The following PTPRG variants were observed in gnomAD, a reference collection of about 807,000 sequenced individuals.
PTPRG encodes receptor-type tyrosine-protein phosphatase gamma.
PTPRG carries 102 observed loss-of-function variants against 165.3 expected under a neutral mutation model. That is an observed-to-expected ratio of 0.62 (90% CI 0.53 to 0.73). The LOEUF is 0.73. PTPRG is among the 30% of genes least tolerant of loss of function. The probability of loss-of-function intolerance (pLI) is 0.00; values close to 1 mark genes in which losing one functional copy is unlikely to be tolerated. For synonymous variants in PTPRG, 675 were observed against 669.5 expected (o/e 1.01, Z -0.13); for missense variants, 1,866 against 1,861.4 (o/e 1.00, Z -0.05).
At chr3:62,154,097 A>G (rs1167627227) in intron 6 of PTPRG, among the ~76,000 whole-genome samples, 1 of 152,192 alleles carries the variant, frequency 6.6e-6, no homozygotes, top group Non-Finnish European at 1.5e-5. Context: ...ATGGTTTTCA[A>G]AATGTCCCTG....
chr3:62,247,731 G>T (rs958854059), intron 15 of PTPRG, among the ~76,000 whole-genome samples: 1 of 152,062 alleles, frequency 6.6e-6, no homozygotes, highest in Non-Finnish European at 1.5e-5. Flanking sequence ...CAGCAACTTT[G>T]GATGATTCTG....
At chr3:62,225,843 C>T (rs971876329) in intron 13 of PTPRG, among the ~76,000 whole-genome samples, 12 of 151,772 alleles carry the variant, frequency 7.9e-5, no homozygotes, top group South Asian at 2.1e-4. Flanking sequence ...TTGGTAGAGA[C>T]GGATTTTGCC....
At chr3:61,679,822 A>G (rs989325614) in intron 1 of PTPRG, among the ~76,000 whole-genome samples, 21 of 152,104 alleles carry the variant, frequency 1.4e-4, no homozygotes, top group Admixed American at 1.2e-3. Context: ...CCCACAATCC[A>G]GTGAGTAAGA....
At chr3:61,830,116 A>G (rs1411401122) in intron 2 of PTPRG, among the ~76,000 whole-genome samples, 1 of 152,222 alleles carries the variant, frequency 6.6e-6, no homozygotes, top group African/African-American at 2.4e-5. Context: ...CAAGCTGGTC[A>G]AATTTATTCA....
intron 2 of PTPRG, among the ~76,000 whole-genome samples, chr3:61,848,009 T>C (rs767363282): frequency 6.6e-6 from 1 of 152,232 alleles, no homozygotes; most frequent in Non-Finnish European, 1.5e-5. Context: ...CCTTGTCCCC[T>C]GCCATGAGCT....
At chr3:61,790,027 A>G (rs1415146966) in intron 2 of PTPRG, among the ~76,000 whole-genome samples, 1 of 152,150 alleles carries the variant, frequency 6.6e-6, no homozygotes, top group African/African-American at 2.4e-5. Context: ...CGTGGGATTC[A>G]GCTGATGTGC....
rs532356516 is a variant in PTPRG, at chr3:61,866,582, C to CTTTTTTTTTTTTTTTTTTT, written c.190+117618_190+117636dup. Among the ~76,000 whole-genome samples, 7 of 69,110 alleles carry CTTTTTTTTTTTTTTTTTTT rather than the reference C, an allele frequency of 1.0e-4. 2 individuals are homozygous for CTTTTTTTTTTTTTTTTTTT. Among genetic ancestry groups the CTTTTTTTTTTTTTTTTTTT allele is most frequent in the African/African-American group, 1.7e-4 (4 of 23,464 alleles). The allele number at this position is 69,110 out of a possible 152,430, so 45.3% of individuals were successfully genotyped here. On this transcript the variant is annotated intron_variant, in intron 2 of 29. Coordinates refer to ENST00000474889, the MANE Select transcript of PTPRG (RefSeq NM_002841.4). ...TTCCCTGGCTTTGGAACTGTTTGCT[C>CTTTTTTTTTTTTTTTTTTT]TTTTTTTTTTTTTTTTTTTTTTTTT...
intron 4 of PTPRG, among the ~76,000 whole-genome samples, chr3:62,021,292 A>G (rs1027113496): frequency 4.6e-5 from 7 of 152,148 alleles, no homozygotes; most frequent in African/African-American, 1.4e-4. Context: ...CATCACAGCT[A>G]CTTAGATCAT....
rs886509908 is a variant in PTPRG at position 62,115,377 on chromosome 3, A to AT, written c.616-17217dup. On this transcript the variant is annotated intron_variant, in intron 5 of 29. Transcript: ENST00000474889. ...TCTTTGGTGCAGACTCTCAACTAAA[A>AT]TTTTTTTTGGTAGCATATATCAAGA... 4.8e-4 allele frequency among the ~76,000 whole-genome samples: 73 copies of AT among 152,126 alleles called. 1 individual carries two copies. Among genetic ancestry groups the AT allele is most frequent in the African/African-American group, 1.6e-3 (66 of 41,512 alleles).
At chr3:61,849,706 A>G (rs1346042148) in intron 2 of PTPRG, among the ~76,000 whole-genome samples, 3 of 152,188 alleles carry the variant, frequency 2.0e-5, no homozygotes, top group Non-Finnish European at 2.9e-5. Flanking sequence ...ACAACTACAC[A>G]TAGAACAAAT....
intron 4 of PTPRG, among the ~76,000 whole-genome samples, chr3:62,055,617 G>T (rs1700607106): frequency 6.6e-6 from 1 of 152,168 alleles, no homozygotes; most frequent in African/African-American, 2.4e-5. Context: ...AGTTCTGGAG[G>T]CTCCACATCT....
intron 5 of PTPRG, among the ~76,000 whole-genome samples, chr3:62,105,657 G>A (rs532210595): frequency 2.0e-5 from 3 of 152,290 alleles, no homozygotes; most frequent in African/African-American, 7.2e-5. Context: ...TTAGCTTAAA[G>A]GGAACATATG....
chr3:61,581,913 G>A (rs888273629), intron 1 of PTPRG, among the ~76,000 whole-genome samples: 1 of 151,342 alleles, frequency 6.6e-6, no homozygotes, highest in Admixed American at 6.6e-5. Flanking sequence ...TGGCATATAG[G>A]TCCTTCTTTA....
chr3:62,011,198 G>T (rs9842094), intron 4 of PTPRG, among the ~76,000 whole-genome samples: 3,117 of 152,232 alleles, frequency 0.02, 106 homozygotes, highest in African/African-American at 0.071. Context: ...TCCCTCCCGT[G>T]CATGTGTTAA....
intron 5 of PTPRG, among the ~76,000 whole-genome samples, chr3:62,079,403 T>C (rs569140271): frequency 6.6e-6 from 1 of 152,218 alleles, no homozygotes; most frequent in Non-Finnish European, 1.5e-5. Context: ...AGCCATGAAA[T>C]TATTTCAGTA....
rs185483971 is a variant in PTPRG, at chr3:61,869,109, A to G, written c.190+120127A>G. Among the ~76,000 whole-genome samples the G allele has an allele frequency of 9.2e-4, 140 of 152,266 alleles. No individual in the cohort carries two copies. In the Middle Eastern group the frequency reaches 0.01, roughly 11 times the overall value. On this transcript the variant is annotated intron_variant, in intron 2 of 29. Transcript: ENST00000474889. ...TTATTTTAACTCTGAGGGATTTGCTATTGGTCCAGCTTTACCATCAGTTGC... is the reference window on the plus strand; with the variant it reads ...TTATTTTAACTCTGAGGGATTTGCTGTTGGTCCAGCTTTACCATCAGTTGC...
rs930857861 is a variant in PTPRG, at chr3:61,829,320, C to A, written c.190+80338C>A. Among the ~76,000 whole-genome samples the A allele has an allele frequency of 3.9e-5, 6 of 152,190 alleles. No individual in the cohort carries two copies. The East Asian group carries it at 1.2e-3, about 29-fold the overall frequency. ...GACAGCGTTGTAGTTCAATAATGAC[C>A]GTTATTTATCACAAACGTGCACTCT... On this transcript the variant is annotated intron_variant, in intron 2 of 29. Coordinates refer to ENST00000474889, the MANE Select transcript of PTPRG (RefSeq NM_002841.4).
At chr3:61,937,947 T>A (rs1196280150) in intron 2 of PTPRG, among the ~76,000 whole-genome samples, 1 of 150,630 alleles carries the variant, frequency 6.6e-6, no homozygotes, top group Non-Finnish European at 1.5e-5. Context: ...GGTTTTTTTT[T>A]TTCCCCCTTC....
At chr3:62,263,063 T>TC in intron 17 of PTPRG, 169 bp downstream of exon 17, 2 of 564,506 alleles carry the variant, frequency 3.5e-6, no homozygotes, top group East Asian at 6.2e-5. Flanking sequence ...GACATTTTCT[T>TC]CCCCCTTAGC....
Sources: allele counts gnomAD v4.1 joint callset (sites outside exome capture counted in the v4.1 genomes callset), GRCh38; gene constraint gnomAD v4.1.1; transcripts MANE v1.5; gene names NCBI Gene and HGNC (gene_info 2026-07-23, HGNC 2026-07-21).